CSMD1: variants seen among roughly 807,000 people sequenced by gnomAD.
The protein encoded by CSMD1 is CUB and sushi domain-containing protein 1.
Under a neutral mutation model 417.5 loss-of-function variants are expected in CSMD1, and 213 were observed. The ratio of observed to expected loss-of-function variants is 0.51; its 90% confidence interval spans 0.46 to 0.57. CSMD1 has a LOEUF of 0.57. Among genes scored for constraint, CSMD1 ranks in the 20% least tolerant of loss-of-function variants. The probability of loss-of-function intolerance (pLI) is 0.00; values close to 1 mark genes in which losing one functional copy is unlikely to be tolerated. For missense variants in CSMD1, 6,923 were observed against 4,529.7 expected, an observed-to-expected ratio of 1.53 and a Z score of -15.17; for synonymous variants, 2,862 against 1,736.8, an observed-to-expected ratio of 1.65 and a Z score of -16.11.
chr8:4,030,202 T>G (rs1400431025), intron 4 of CSMD1, among the ~76,000 whole-genome samples: 1 of 102 alleles, frequency 9.8e-3, no homozygotes, highest in African/African-American at 0.042. Flanking sequence ...ACAGCTCAAC[T>G]AGGGCGGTGC....
intron 4 of CSMD1, among the ~76,000 whole-genome samples, chr8:4,022,545 G>A (rs931479313): frequency 6.6e-6 from 1 of 152,142 alleles, no homozygotes; most frequent in Non-Finnish European, 1.5e-5. Context: ...GCACAAGAAG[G>A]TGTCATGAAA....
chr8:3,624,953 A>G (rs2117217074), intron 7 of CSMD1, among the ~76,000 whole-genome samples: 1 of 152,308 alleles, frequency 6.6e-6, no homozygotes, highest in South Asian at 2.1e-4. Flanking sequence ...TAATAACTTG[A>G]TTAGATGACA....
At chr8:4,113,298 G>A (rs967785415) in intron 3 of CSMD1, among the ~76,000 whole-genome samples, 9 of 150,286 alleles carry the variant, frequency 6.0e-5, no homozygotes, top group Non-Finnish European at 1.3e-4. Flanking sequence ...GATTAACTAA[G>A]TGAGAAAGAC....
intron 1 of CSMD1, among the ~76,000 whole-genome samples, chr8:4,877,586 T>C (rs1803129712): frequency 6.6e-6 from 1 of 152,082 alleles, no homozygotes; most frequent in South Asian, 2.1e-4. Context: ...CATTTACTCA[T>C]AACCATTTCT....
chr8:3,442,322 G>A (rs1262826205), intron 12 of CSMD1, among the ~76,000 whole-genome samples: 1 of 152,110 alleles, frequency 6.6e-6, no homozygotes. Flanking sequence ...CTACAGCAGT[G>A]TATGGTAATG....
chr8:4,882,677 C>G (rs1170734809), intron 1 of CSMD1, among the ~76,000 whole-genome samples: 1 of 151,870 alleles, frequency 6.6e-6, no homozygotes, highest in Non-Finnish European at 1.5e-5. Context: ...CAAATTATTC[C>G]ATTTGATGTG....
chr8:3,962,848 A>G (rs1336288312), intron 5 of CSMD1, among the ~76,000 whole-genome samples: 4 of 152,200 alleles, frequency 2.6e-5, no homozygotes, highest in African/African-American at 7.2e-5. Flanking sequence ...GATAAAACAG[A>G]CATGATTTCT....
chr8:4,137,584 A>C lies in CSMD1; in HGVS notation c.416-105485T>G, dbSNP rs1013120735. 1.4e-4 allele frequency among the ~76,000 whole-genome samples: 18 copies of C among 131,498 alleles called. 2 individuals are homozygous for C. Among genetic ancestry groups the C allele is most frequent in the African/African-American group, 4.5e-4 (18 of 40,328 alleles). 86.3% of individuals were successfully genotyped at this position (131,498 alleles called of 152,430 possible). On this transcript the variant is annotated intron_variant, in intron 3 of 69. Transcript: ENST00000635120. ...GGTTACAAGATTTGATGTTAATGGAACTGGTTGGTTTGTAAGATACAAAAA... is the reference window on the plus strand; with the variant it reads ...GGTTACAAGATTTGATGTTAATGGACCTGGTTGGTTTGTAAGATACAAAAA...
At chr8:4,095,767 G>A (rs1047923125) in intron 3 of CSMD1, among the ~76,000 whole-genome samples, 10 of 152,166 alleles carry the variant, frequency 6.6e-5, no homozygotes, top group South Asian at 2.1e-4. Flanking sequence ...GTCCTATTAC[G>A]TGAATTCAGT....
At chr8:3,967,532 A>C (rs1391009882) in intron 5 of CSMD1, among the ~76,000 whole-genome samples, 1 of 152,158 alleles carries the variant, frequency 6.6e-6, no homozygotes, top group African/African-American at 2.4e-5. Context: ...AAGAGAACTG[A>C]AATAAATGAA....
rs572621194 is a variant in CSMD1 at position 4,601,689 on chromosome 8, A to C, written c.302+35653T>G. Reference sequence around the variant, plus strand: ...TCTCCATACCCCTCATCATGCAATGAGGGGATCGTGATCTCCACTCACGGC... The same window carrying C: ...TCTCCATACCCCTCATCATGCAATGCGGGGATCGTGATCTCCACTCACGGC... On this transcript the variant is annotated intron_variant, in intron 2 of 69. Coordinates refer to ENST00000635120, the MANE Select transcript of CSMD1 (RefSeq NM_033225.6). Among the ~76,000 whole-genome samples the C allele has an allele frequency of 2.2e-3, 330 of 152,306 alleles. 1 individual carries two copies. The highest frequency in any genetic ancestry group is 3.6e-3 in the Non-Finnish European group (246 of 68,038).
chr8:4,442,582 T>C (rs373013656), intron 2 of CSMD1, among the ~76,000 whole-genome samples: 17 of 152,232 alleles, frequency 1.1e-4, no homozygotes, highest in African/African-American at 4.1e-4. Context: ...GTTTCACTTA[T>C]AGCTCTTCCC....
At chr8:3,563,186 A>G (rs1216661204) in intron 10 of CSMD1, among the ~76,000 whole-genome samples, 2 of 151,960 alleles carry the variant, frequency 1.3e-5, no homozygotes, top group East Asian at 3.9e-4. Flanking sequence ...CGTTTTATTT[A>G]GTTGGGTTTT....
chr8:4,360,137 G>C lies in CSMD1; in HGVS notation c.415+59816C>G, dbSNP rs944233883. ...TTCCTCTCTGCAGGTTTGGCTGTGA[G>C]GATGATCTGAGAGGATGAACTACAC... On this transcript the variant is annotated intron_variant, in intron 3 of 69. Coordinates refer to ENST00000635120, the MANE Select transcript of CSMD1 (RefSeq NM_033225.6). Among the ~76,000 whole-genome samples, 12 of 152,140 alleles carry C rather than the reference G, an allele frequency of 7.9e-5. No individual in the cohort carries two copies. In the East Asian group the frequency reaches 2.1e-3, roughly 27 times the overall value.
At chr8:4,670,464 C>A (rs1183648007) in intron 1 of CSMD1, among the ~76,000 whole-genome samples, 1 of 152,104 alleles carries the variant, frequency 6.6e-6, no homozygotes, top group Non-Finnish European at 1.5e-5. Context: ...GAGCTAGATA[C>A]GTGGTGGTCT....
At chr8:4,578,168 TG>T (rs1379468344) in intron 2 of CSMD1, among the ~76,000 whole-genome samples, 1 of 151,950 alleles carries the variant, frequency 6.6e-6, no homozygotes, top group East Asian at 1.9e-4. Flanking sequence ...GAGCATTTTT[TG>T]TTCTTTTTTG....
At chr8:3,795,421 CTATCATAGATATAGATA>C (rs1800020848) in intron 5 of CSMD1, among the ~76,000 whole-genome samples, 1 of 32,096 alleles carries the variant, frequency 3.1e-5, no homozygotes, top group Non-Finnish European at 6.0e-5. Flanking sequence ...AGATATATAT[CTATCATAGATATAGATA>C]TATATCTATC....
intron 1 of CSMD1, among the ~76,000 whole-genome samples, chr8:4,668,371 A>G (rs527353187): frequency 6.6e-6 from 1 of 151,110 alleles, no homozygotes; most frequent in Admixed American, 6.6e-5. Context: ...CCTCGTCTCT[A>G]GCCACTGCCA....
chr8:3,359,205 G>A lies in CSMD1; in HGVS notation c.3251C>T (p.Thr1084Ile). ...GYRLEGATKLTCLGGGRRVWS... is the reference protein window; with the variant it reads ...GYRLEGATKLICLGGGRRVWS... ...CACACGGCGGCCCCCACCCAGGCAG[G>A]TAAGCTTGGTGGCACCTTCTAAACG... is the stretch of plus-strand genomic sequence containing the variant. Residue 1084 changes from threonine (T) to isoleucine (I), a missense_variant, in exon 21 of 70, where the codon ACC (threonine) becomes ATC (isoleucine). By Grantham distance (89) the Thr-to-Ile change is moderately conservative. Transcript: ENST00000635120. The A allele has an allele frequency of 6.2e-7, 1 of 1,613,930 alleles. No homozygotes were observed. Among genetic ancestry groups the A allele is most frequent in the Non-Finnish European group, 8.5e-7 (1 of 1,179,896 alleles).
Sources: gnomAD v4.1 joint callset for allele counts (sites outside exome capture counted in the v4.1 genomes callset) on GRCh38, gnomAD v4.1.1 for gene constraint, MANE v1.5 for transcripts, NCBI Gene and HGNC (gene_info 2026-07-23, HGNC 2026-07-21) for gene names.